DOCK8: variants seen among roughly 807,000 people sequenced by gnomAD.
The protein encoded by DOCK8 is dedicator of cytokinesis protein 8.
A neutral mutation model predicts 245.6 loss-of-function variants in DOCK8; 141 were observed. The ratio of observed to expected loss-of-function variants is 0.57; its 90% CI spans 0.50 to 0.66. The LOEUF (loss-of-function observed/expected upper bound fraction) is 0.66. DOCK8 is among the 30% of genes least tolerant of loss of function. DOCK8 has a pLI of 0.00. For missense variants in DOCK8, 2,965 were observed against 2,603.4 expected, an observed-to-expected ratio of 1.14 and a Z score of -3.02; for synonymous variants, 1,168 against 970.2, an observed-to-expected ratio of 1.20 and a Z score of -3.79.
intron 14 of DOCK8, among the ~76,000 whole-genome samples, chr9:357,802 TCTGA>T (rs1218938839): frequency 4.6e-5 from 7 of 152,238 alleles, no homozygotes; most frequent in African/African-American, 1.7e-4. Flanking sequence ...CTTGTGGGGC[TCTGA>T]CTGGTGCCCT....
rs770117613 is a variant in DOCK8, at chr9:215,080, G to T, written c.53+51G>T. 3 of 1,532,962 alleles carry T rather than the reference G, an allele frequency of 2.0e-6. No homozygotes were observed. In the African/African-American group the frequency reaches 4.3e-5, roughly 22 times the overall value. 95.0% of individuals were successfully genotyped at this position (1,532,962 alleles called of 1,614,324 possible). ...GTTGCGGCCGGACAGCCCAGCGCTG[G>T]TGTGAAGCGGAGCTTCGCTGCAGGG... is the stretch of plus-strand genomic sequence containing the variant. On this transcript the variant is annotated intron_variant, in intron 1 of 47. Coordinates refer to ENST00000432829, the MANE Select transcript of DOCK8 (RefSeq NM_203447.4).
At chr9:309,819 C>G (rs1263423639) in intron 5 of DOCK8, among the ~76,000 whole-genome samples, 1 of 152,230 alleles carries the variant, frequency 6.6e-6, no homozygotes, top group African/African-American at 2.4e-5. Flanking sequence ...CACAAATCAT[C>G]TTATTTTCCA....
At chr9:313,719 A>G (rs544173959) in intron 6 of DOCK8, among the ~76,000 whole-genome samples, 1 of 152,254 alleles carries the variant, frequency 6.6e-6, no homozygotes, top group South Asian at 2.1e-4. Flanking sequence ...AATGTGTTAC[A>G]TATTTCAAAA....
chr9:236,086 T>C (rs1050474333), intron 1 of DOCK8, among the ~76,000 whole-genome samples: 1 of 152,196 alleles, frequency 6.6e-6, no homozygotes, highest in Non-Finnish European at 1.5e-5. Context: ...AGAATGCCAG[T>C]GGTTGGCCCT....
intron 46 of DOCK8, among the ~76,000 whole-genome samples, chr9:457,315 C>T (rs1321747808): frequency 2.0e-5 from 3 of 152,170 alleles, no homozygotes; most frequent in Non-Finnish European, 2.9e-5. Context: ...CCCTCGGTTT[C>T]CCCAGATGTA....
intron 14 of DOCK8, among the ~76,000 whole-genome samples, chr9:347,430 A>T (rs895460739): frequency 6.6e-6 from 1 of 152,104 alleles, no homozygotes; most frequent in East Asian, 1.9e-4. Flanking sequence ...CGCTTGAGCC[A>T]GGAAGGTCGA....
intron 3 of DOCK8, among the ~76,000 whole-genome samples, chr9:288,743 T>A (rs1474381217): frequency 6.6e-6 from 1 of 152,194 alleles, no homozygotes; most frequent in African/African-American, 2.4e-5. Context: ...CTATAAGCGA[T>A]GAAGCTGGGA....
intron 1 of DOCK8, among the ~76,000 whole-genome samples, chr9:219,896 C>T (rs663552): frequency 1.3e-5 from 2 of 151,224 alleles, no homozygotes; most frequent in Non-Finnish European, 3.0e-5. Context: ...GACTCTATTT[C>T]AAAAAAAAAG....
chr9:409,959 G>A (rs2055642161), intron 28 of DOCK8, among the ~76,000 whole-genome samples: 2 of 151,954 alleles, frequency 1.3e-5, no homozygotes, highest in Admixed American at 6.6e-5. Flanking sequence ...TGGACATTTG[G>A]GTTGGTTCCA....
rs113419890 is a variant in DOCK8, at chr9:427,028, T to G, written c.4338+47T>G. 1.3e-4 allele frequency: 196 copies of G among 1,519,040 alleles called. 2 individuals carry two copies. In the African/African-American group the frequency reaches 2.4e-3, roughly 18 times the overall value. The allele number at this position is 1,519,040 out of a possible 1,614,324, so 94.1% of individuals were successfully genotyped here. Reference sequence around the variant, plus strand: ...TCTGATTTGTTGGCCATGAATATGTTTACTAGAATAAGGACTTCTTTATGC... The same window carrying G: ...TCTGATTTGTTGGCCATGAATATGTGTACTAGAATAAGGACTTCTTTATGC... On this transcript the variant is annotated intron_variant, in intron 34 of 47. Transcript: ENST00000432829.
chr9:388,135 C>T (rs115709130), intron 23 of DOCK8, among the ~76,000 whole-genome samples: 4 of 152,216 alleles, frequency 2.6e-5, no homozygotes, highest in African/African-American at 7.2e-5. Context: ...TTTCTAGAGG[C>T]GACCTTTGAA....
At chr9:386,488 C>G in intron 23 of DOCK8, 62 bp downstream of exon 23, 1 of 1,439,762 alleles carries the variant, frequency 6.9e-7, no homozygotes, top group Non-Finnish European at 9.7e-7. Flanking sequence ...TCCTCATGCC[C>G]TCACACTGTG....
At chr9:428,692 C>T (rs1262035749) in intron 35 of DOCK8, among the ~76,000 whole-genome samples, 196 bp downstream of exon 35, 1 of 152,222 alleles carries the variant, frequency 6.6e-6, no homozygotes, top group Non-Finnish European at 1.5e-5. Context: ...AAAGCAGTGG[C>T]TCCCATATTT....
At chr9:355,201 T>C (rs1421555421) in intron 14 of DOCK8, among the ~76,000 whole-genome samples, 41 of 136,814 alleles carry the variant, frequency 3.0e-4, no homozygotes, top group Non-Finnish European at 3.3e-4. Flanking sequence ...TCTTTTTTTT[T>C]TTTTTTTTTT....
intron 33 of DOCK8, among the ~76,000 whole-genome samples, chr9:422,984 CAAAA>C (rs56034723): frequency 0.016 from 1,645 of 102,818 alleles, 28 homozygotes; most frequent in African/African-American, 0.061. Context: ...GACTCCATCT[CAAAA>C]AAAAAAAAAA....
rs550289472 is a variant in DOCK8 at position 371,538 on chromosome 9, C to T, written c.1979C>T (p.Ala660Val). The T allele has an allele frequency of 1.2e-6, 2 of 1,614,074 alleles. No individual in the cohort carries two copies. The highest frequency in any genetic ancestry group is 1.7e-5 in the Admixed American group (1 of 60,002). Residue 660 changes from alanine to valine, a missense_variant, in exon 17 of 48, where the codon GCC (alanine) becomes GTC (valine). By Grantham distance (64) the Ala-to-Val change is moderately conservative. Coordinates refer to ENST00000432829, the MANE Select transcript of DOCK8 (RefSeq NM_203447.4). ...ATCAGCTGTCAGCAGAAGCAAGGAG[C>T]CTCCGTGGAAACTCTCCTGGGATAT... ...YHISCQQKQG[A>V]SVETLLGYSW...
At chr9:384,210 T>C (rs920722870) in intron 22 of DOCK8, among the ~76,000 whole-genome samples, 6 of 152,224 alleles carry the variant, frequency 3.9e-5, no homozygotes, top group Non-Finnish European at 7.3e-5. Context: ...TATGATATTA[T>C]TCACATACCA....
intron 14 of DOCK8, among the ~76,000 whole-genome samples, chr9:355,409 G>T (rs996514928): frequency 6.6e-6 from 1 of 151,638 alleles, no homozygotes; most frequent in Non-Finnish European, 1.5e-5. Flanking sequence ...TCACCTTGTT[G>T]GCCAGGATGG....
intron 4 of DOCK8, among the ~76,000 whole-genome samples, chr9:292,061 C>A (rs1430515345): frequency 1.0e-5 from 1 of 97,344 alleles, no homozygotes. Context: ...CAGAGGAAGA[C>A]CCTATCTCAA....
Sources: gnomAD v4.1 joint callset for allele counts (sites outside exome capture counted in the v4.1 genomes callset) on GRCh38, gnomAD v4.1.1 for gene constraint, MANE v1.5 for transcripts, NCBI Gene and HGNC (gene_info 2026-07-23, HGNC 2026-07-21) for gene names.